NFXL1: variants seen among roughly 807,000 people sequenced by gnomAD.
NFXL1 encodes the protein NF-X1-type zinc finger protein NFXL1.
NFXL1 carries 66 observed loss-of-function variants against 123.3 expected under a neutral mutation model. That is an observed-to-expected ratio of 0.54 (90% CI 0.44 to 0.66). The LOEUF (loss-of-function observed/expected upper bound fraction) is 0.66. NFXL1 is among the 30% of genes least tolerant of loss of function. NFXL1 has a pLI of 0.00. For missense variants in NFXL1, 944 were observed against 1,125.6 expected (o/e 0.84, Z 2.31); for synonymous variants, 346 against 360.8 (o/e 0.96, Z 0.46).
rs748631687 is a variant in NFXL1 at position 47,898,783 on chromosome 4, C to T, written c.1063G>A (p.Ala355Thr). ...CGKKVAERSC[A>T]SPLWHCDQVC... ...TGATCACAGTGCCATAGTGGACTTG[C>T]ACAACTTCTTTCAGCTACTTTTTTG... The change falls in exon 8 of 23, where the codon GCA (alanine) becomes ACA (threonine). Residue 355 changes from alanine to threonine, a missense_variant. Physicochemically the swap from Ala to Thr is moderately conservative, Grantham distance 58 (BLOSUM62 0). This residue lies in a region of NFXL1 where 296 missense variants were observed against 395.1 expected (regional missense o/e 0.75). Coordinates refer to ENST00000507489, the MANE Select transcript of NFXL1 (RefSeq NM_001278624.2). 1 of 1,613,124 alleles carries T rather than the reference C, an allele frequency of 6.2e-7. No individual in the cohort carries two copies. Among genetic ancestry groups the T allele is most frequent in the Admixed American group, 1.7e-5 (1 of 60,010 alleles).
intron 11 of NFXL1, among the ~76,000 whole-genome samples, chr4:47,891,222 A>C (rs1736753263): frequency 6.7e-6 from 1 of 149,368 alleles, no homozygotes; most frequent in Admixed American, 6.7e-5. Flanking sequence ...AGCCATCCTC[A>C]CACCTCAGCC....
rs1320338922 is a variant in NFXL1, at chr4:47,898,770, C to A, written c.1076G>T (p.Trp359Leu). 2 of 1,606,382 alleles carry A rather than the reference C, an allele frequency of 1.2e-6. No homozygotes were observed. The highest frequency in any genetic ancestry group is 1.7e-5 in the Admixed American group (1 of 60,002). ...ATATAAACTTACTTGATCACAGTGCCATAGTGGACTTGCACAACTTCTTTC... is the reference window on the plus strand; with the variant it reads ...ATATAAACTTACTTGATCACAGTGCAATAGTGGACTTGCACAACTTCTTTC... Reference protein sequence around the residue: ...VAERSCASPLWHCDQVCGKTL... With the variant: ...VAERSCASPLLHCDQVCGKTL... The change falls in exon 8 of 23, where the codon TGG becomes TTG. Residue 359 changes from tryptophan to leucine, a missense_variant. Coordinates refer to ENST00000507489, the MANE Select transcript of NFXL1 (RefSeq NM_001278624.2).
intron 18 of NFXL1, among the ~76,000 whole-genome samples, chr4:47,866,674 CT>C (rs543783536): frequency 6.6e-4 from 100 of 152,328 alleles, no homozygotes; most frequent in Admixed American, 1.8e-3. Flanking sequence ...GAAAGGCCTC[CT>C]TGTAAGACTA....
chr4:47,870,183 AT>A (rs1289853093), intron 18 of NFXL1, among the ~76,000 whole-genome samples: 1 of 152,196 alleles, frequency 6.6e-6, no homozygotes, highest in Non-Finnish European at 1.5e-5. Context: ...AGCCAAGTTT[AT>A]TTTATAAAAC....
intron 22 of NFXL1, 186 bp downstream of exon 22, chr4:47,850,909 C>T (rs1355966677): frequency 7.4e-6 from 4 of 539,260 alleles, no homozygotes; most frequent in African/African-American, 5.8e-5. Flanking sequence ...AGATCTCATA[C>T]CTTTTCAGAG....
chr4:47,890,525 T>C (rs1180672858), intron 12 of NFXL1, 88 bp downstream of exon 12: 2 of 728,322 alleles, frequency 2.7e-6, no homozygotes, highest in Non-Finnish European at 4.8e-6. Context: ...AAAACGCTAT[T>C]TCAATACATT....
intron 12 of NFXL1, among the ~76,000 whole-genome samples, chr4:47,886,861 T>C (rs995448612): frequency 6.6e-6 from 1 of 152,244 alleles, no homozygotes; most frequent in African/African-American, 2.4e-5. Context: ...CCTACTTTCA[T>C]ACATCTATCC....
intron 19 of NFXL1, among the ~76,000 whole-genome samples, chr4:47,858,333 T>C (rs552316530): frequency 6.6e-6 from 1 of 152,350 alleles, no homozygotes; most frequent in South Asian, 2.1e-4. Context: ...TACAACCATT[T>C]TGGAAATCAA....
rs929703989 is a variant in NFXL1 at position 47,885,912 on chromosome 4, G to A, written c.1631C>T (p.Thr544Ile). 1.2e-6 allele frequency: 2 copies of A among 1,613,866 alleles called. No homozygotes were observed. The highest frequency in any genetic ancestry group is 4.5e-5 in the East Asian group (2 of 44,870). The change falls in exon 13 of 23, where the codon ACC (threonine) becomes ATC (isoleucine). Residue 544 changes from threonine to isoleucine, a missense_variant. By Grantham distance (89) the Thr-to-Ile change is moderately conservative. Around this residue, in one of 4 missense-constraint regions of NFXL1, gnomAD observed 296 missense variants for 395.1 expected, o/e 0.75. Coordinates refer to ENST00000507489, the MANE Select transcript of NFXL1 (RefSeq NM_001278624.2). Reference sequence around the variant, plus strand: ...CTCCTTGCACTTGGGTGGTCTTGTGGTACGTTCTCGGCCACAGGGCACTGT... The same window carrying A: ...CTCCTTGCACTTGGGTGGTCTTGTGATACGTTCTCGGCCACAGGGCACTGT... ...KVTVPCGRERTTRPPKCKEQC... is the reference protein window; with the variant it reads ...KVTVPCGRERITRPPKCKEQC...
At chr4:47,902,106 C>T (rs1444170566) in intron 5 of NFXL1, among the ~76,000 whole-genome samples, 3 of 151,968 alleles carry the variant, frequency 2.0e-5, no homozygotes, top group Non-Finnish European at 4.4e-5. Flanking sequence ...CGCTTGAACC[C>T]GACAAGCAGT....
At chr4:47,876,433 C>G (rs1179203184) in intron 17 of NFXL1, among the ~76,000 whole-genome samples, 3 of 151,918 alleles carry the variant, frequency 2.0e-5, no homozygotes, top group Non-Finnish European at 1.5e-5. Context: ...AGGAAAGGAA[C>G]AAGTACAAAG....
At chr4:47,865,628 C>T (rs1735015071) in intron 18 of NFXL1, among the ~76,000 whole-genome samples, 1 of 152,086 alleles carries the variant, frequency 6.6e-6, no homozygotes, top group Admixed American at 6.5e-5. Context: ...AGAAAAAGGT[C>T]CCCCTAAATA....
intron 19 of NFXL1, 76 bp from the exon 20 acceptor site, chr4:47,855,239 T>C (rs2110030886): frequency 2.7e-6 from 2 of 752,840 alleles, no homozygotes; most frequent in East Asian, 5.7e-5. Context: ...ACCCCAACAA[T>C]TTTAAGAGAG....
chr4:47,891,818 C>T (rs537281222), intron 11 of NFXL1, among the ~76,000 whole-genome samples: 1 of 152,044 alleles, frequency 6.6e-6, no homozygotes, highest in South Asian at 2.1e-4. Context: ...TGCCTGTAGT[C>T]CCAGCTACTT....
intron 9 of NFXL1, among the ~76,000 whole-genome samples, 196 bp downstream of exon 9, chr4:47,897,771 T>A (rs1737170546): frequency 6.6e-6 from 1 of 152,136 alleles, no homozygotes; most frequent in Non-Finnish European, 1.5e-5. Context: ...CCCCAACCCC[T>A]GGATGCCATT....
rs148106406 is a variant in NFXL1, at chr4:47,900,595, A to G, written c.648-1047T>C. ...CTTTAAACTTCCATCATTAAAATACATAAGTGTTGGCAGTAGAAGTGTTAA... is the reference window on the plus strand; with the variant it reads ...CTTTAAACTTCCATCATTAAAATACGTAAGTGTTGGCAGTAGAAGTGTTAA... On this transcript the variant is annotated intron_variant, in intron 5 of 22. Coordinates refer to ENST00000507489, the MANE Select transcript of NFXL1 (RefSeq NM_001278624.2). 2.1e-3 allele frequency among the ~76,000 whole-genome samples: 321 copies of G among 152,372 alleles called. 3 individuals carry two copies. Among genetic ancestry groups the G allele is most frequent in the African/African-American group, 7.4e-3 (309 of 41,592 alleles).
intron 18 of NFXL1, among the ~76,000 whole-genome samples, chr4:47,869,276 T>C (rs1192145292): frequency 1.3e-5 from 2 of 152,078 alleles, no homozygotes; most frequent in African/African-American, 2.4e-5. Context: ...GAAATTGTAA[T>C]ACAGCATTTT....
At chr4:47,870,876 G>A (rs1735388533) in intron 18 of NFXL1, among the ~76,000 whole-genome samples, 1 of 152,046 alleles carries the variant, frequency 6.6e-6, no homozygotes, top group Non-Finnish European at 1.5e-5. Context: ...CACATCAAAG[G>A]GACATGAGAA....
chr4:47,901,735 C>T (rs1651693431), intron 5 of NFXL1, among the ~76,000 whole-genome samples: 1 of 152,178 alleles, frequency 6.6e-6, no homozygotes, highest in African/African-American at 2.4e-5. Context: ...AATTTTGGCT[C>T]CACTACTTAA....
Sources: gnomAD v4.1 joint callset for allele counts (sites outside exome capture counted in the v4.1 genomes callset) on GRCh38, gnomAD v4.1.1 for gene constraint, gnomAD v4.1.1 regional missense constraint, MANE v1.5 for transcripts, NCBI Gene and HGNC (gene_info 2026-07-23, HGNC 2026-07-21) for gene names.